The following BMPR1B variants were observed in gnomAD, a reference collection of about 807,000 sequenced individuals.
BMPR1B encodes the protein bone morphogenetic protein receptor type-1B.
A neutral mutation model predicts 59.1 loss-of-function variants in BMPR1B; 12 were observed. That is an observed-to-expected ratio of 0.20 (90% confidence interval 0.13 to 0.33). The LOEUF (loss-of-function observed/expected upper bound fraction) is 0.33, where lower values mean the gene tolerates loss of function less well. BMPR1B is among the 10% of genes least tolerant of loss of function. The pLI, the probability that BMPR1B is intolerant of heterozygous loss-of-function variation, is 1.00. For synonymous variants in BMPR1B, 237 were observed against 207.3 expected, an observed-to-expected ratio of 1.14 and a Z score of -1.23; for missense variants, 550 against 610.9, an observed-to-expected ratio of 0.90 and a Z score of 1.05.
At chr4:95,076,989 C>T (rs114629821) in intron 3 of BMPR1B, among the ~76,000 whole-genome samples, 197 of 152,154 alleles carry the variant, frequency 1.3e-3, no homozygotes, top group African/African-American at 4.4e-3. Context: ...TTACTTTATT[C>T]GCTTTACAAG....
chr4:94,800,288 G>A (rs897439091), intron 1 of BMPR1B, among the ~76,000 whole-genome samples: 5 of 152,116 alleles, frequency 3.3e-5, no homozygotes, highest in African/African-American at 1.2e-4. Context: ...GTGAGATTTT[G>A]TATTTGTTTA....
intron 6 of BMPR1B, among the ~76,000 whole-genome samples, chr4:95,120,834 A>G (rs576097011): frequency 3.1e-4 from 41 of 131,496 alleles, no homozygotes; most frequent in Admixed American, 1.1e-3. Context: ...TTCAAGATGG[A>G]GTCTCTCTCA....
chr4:94,808,776 G>C (rs1286360636), intron 1 of BMPR1B, among the ~76,000 whole-genome samples: 1 of 152,076 alleles, frequency 6.6e-6, no homozygotes, highest in Non-Finnish European at 1.5e-5. Context: ...AGTTTTACAG[G>C]CTGGGCGCAG....
At chr4:94,931,992 T>C (rs1729111152) in intron 2 of BMPR1B, among the ~76,000 whole-genome samples, 1 of 152,136 alleles carries the variant, frequency 6.6e-6, no homozygotes, top group Non-Finnish European at 1.5e-5. Flanking sequence ...CTTTCCACTG[T>C]CATGGTGTTC....
chr4:94,795,167 A>G (rs2110610460), intron 1 of BMPR1B, among the ~76,000 whole-genome samples: 1 of 147,246 alleles, frequency 6.8e-6, no homozygotes, highest in Admixed American at 6.8e-5. Flanking sequence ...TGTCATAGAT[A>G]GCTCTTATTA....
chr4:94,982,681 T>C (rs1391339238), intron 2 of BMPR1B, among the ~76,000 whole-genome samples: 4 of 152,174 alleles, frequency 2.6e-5, no homozygotes, highest in Non-Finnish European at 4.4e-5. Flanking sequence ...CATCATCATG[T>C]GTCCTCTTTA....
intron 1 of BMPR1B, among the ~76,000 whole-genome samples, chr4:94,872,137 T>C (rs573964229): frequency 1.3e-5 from 2 of 152,340 alleles, no homozygotes; most frequent in South Asian, 4.1e-4. Flanking sequence ...TGAGGTCTGC[T>C]TTCTCTTACC....
chr4:94,973,593 A>G (rs1730896155), intron 2 of BMPR1B, among the ~76,000 whole-genome samples: 1 of 152,096 alleles, frequency 6.6e-6, no homozygotes, highest in African/African-American at 2.4e-5. Context: ...TAAACACAGG[A>G]TAGGGCAGGG....
At chr4:95,051,781 A>G in intron 3 of BMPR1B, 1 of 1,535,232 alleles carries the variant, frequency 6.5e-7, no homozygotes, top group Non-Finnish European at 8.7e-7. Flanking sequence ...GGGTAAGAAG[A>G]TCAGTGCCCT....
intron 6 of BMPR1B, among the ~76,000 whole-genome samples, chr4:95,122,594 A>G (rs950631005): frequency 6.6e-6 from 1 of 152,188 alleles, no homozygotes; most frequent in African/African-American, 2.4e-5. Flanking sequence ...AGTATATATT[A>G]TATTTTGCTT....
chr4:94,878,006 T>G (rs1186778396), intron 2 of BMPR1B, among the ~76,000 whole-genome samples: 1 of 152,108 alleles, frequency 6.6e-6, no homozygotes. Context: ...TCGCCTATAT[T>G]GATGAATGGT....
chr4:95,024,163 G>GA (rs1448494203), intron 3 of BMPR1B, among the ~76,000 whole-genome samples: 4 of 152,192 alleles, frequency 2.6e-5, no homozygotes, highest in African/African-American at 9.6e-5. Context: ...GAATAAGGGT[G>GA]ATTCTATTAG....
intron 3 of BMPR1B, chr4:95,091,505 G>C: frequency 2.0e-6 from 2 of 985,284 alleles, no homozygotes; most frequent in Non-Finnish European, 2.4e-6. Flanking sequence ...CACAGGTGCA[G>C]GATTAGTGCT....
At chr4:94,892,653 A>C (rs1277756353) in intron 2 of BMPR1B, among the ~76,000 whole-genome samples, 2 of 152,086 alleles carry the variant, frequency 1.3e-5, no homozygotes, top group Non-Finnish European at 2.9e-5. Flanking sequence ...AGAAGATGTG[A>C]TACTTGAACT....
intron 3 of BMPR1B, among the ~76,000 whole-genome samples, chr4:95,001,333 T>C (rs1433381804): frequency 4.2e-5 from 6 of 142,846 alleles, no homozygotes; most frequent in Non-Finnish European, 6.1e-5. Flanking sequence ...TCCTTTGCAT[T>C]ATTTCTTAAT....
chr4:95,031,306 A>G (rs988453504), intron 3 of BMPR1B, among the ~76,000 whole-genome samples: 2 of 152,150 alleles, frequency 1.3e-5, no homozygotes, highest in Non-Finnish European at 2.9e-5. Context: ...AGAATATGGC[A>G]CATTAGAGAG....
chr4:95,050,430 T>C (rs781777896), intron 3 of BMPR1B, among the ~76,000 whole-genome samples: 1 of 152,084 alleles, frequency 6.6e-6, no homozygotes, highest in Non-Finnish European at 1.5e-5. Flanking sequence ...AAAGTATAAA[T>C]TGAGGGTGTT....
chr4:95,116,419 G>GTGCACACA (rs1732048018), intron 6 of BMPR1B, among the ~76,000 whole-genome samples: 3 of 51,102 alleles, frequency 5.9e-5, no homozygotes, highest in Non-Finnish European at 1.1e-4. Flanking sequence ...CTTTCAGCGC[G>GTGCACACA]CGCACACACA....
intron 1 of BMPR1B, among the ~76,000 whole-genome samples, chr4:94,807,238 A>G (rs1358277374): frequency 6.6e-6 from 1 of 151,938 alleles, no homozygotes; most frequent in African/African-American, 2.4e-5. Flanking sequence ...GGGACCACAG[A>G]TGCCCACTAC....
Sources: gnomAD v4.1 joint callset for allele counts (sites outside exome capture counted in the v4.1 genomes callset) on GRCh38, gnomAD v4.1.1 for gene constraint, MANE v1.5 for transcripts, NCBI Gene and HGNC (gene_info 2026-07-23, HGNC 2026-07-21) for gene names.